The following NRXN1 variants were observed in gnomAD, a reference collection of about 807,000 sequenced individuals.
NRXN1 encodes neurexin-1.
In NRXN1, 39 loss-of-function variants were observed where a neutral mutation model predicts 150.9. The observed-to-expected ratio is 0.26, with a 90% CI of 0.20 to 0.34. The LOEUF is 0.34. Ranked by LOEUF, NRXN1 falls within the 10% of genes least tolerant of loss-of-function variation. The pLI is 1.00. For missense variants in NRXN1, 1,815 were observed against 1,949.9 expected (o/e 0.93, Z 1.30); for synonymous variants, 924 against 757.0 (o/e 1.22, Z -3.62).
chr2:50,358,330 G>C (rs1266466376), intron 17 of NRXN1, among the ~76,000 whole-genome samples: 2 of 152,206 alleles, frequency 1.3e-5, no homozygotes, highest in Non-Finnish European at 2.9e-5. Flanking sequence ...AGATCCACTG[G>C]CTTGAAATTC....
At chr2:50,058,555 T>A (rs952285782) in intron 19 of NRXN1, among the ~76,000 whole-genome samples, 8 of 152,130 alleles carry the variant, frequency 5.3e-5, no homozygotes, top group Non-Finnish European at 7.4e-5. Flanking sequence ...AACTAATGAC[T>A]TTGTTCTCCT....
chr2:50,885,495 A>T (rs2103752453), intron 5 of NRXN1, among the ~76,000 whole-genome samples: 1 of 151,472 alleles, frequency 6.6e-6, no homozygotes, highest in Admixed American at 6.6e-5. Flanking sequence ...CCTGAATAAG[A>T]AAATCTCATC....
intron 21 of NRXN1, among the ~76,000 whole-genome samples, chr2:49,976,017 ATTTTTT>A (rs10597958): frequency 1.1e-5 from 1 of 91,438 alleles, no homozygotes; most frequent in Non-Finnish European, 2.1e-5. Context: ...ATGCGGAAGA[ATTTTTT>A]TTTTTTTTTT....
At chr2:50,914,126 C>T (rs1226758799) in intron 5 of NRXN1, among the ~76,000 whole-genome samples, 1 of 151,664 alleles carries the variant, frequency 6.6e-6, no homozygotes, top group African/African-American at 2.4e-5. Context: ...CATTGTAGTT[C>T]TTCAGCACAG....
chr2:50,477,672 T>C (rs951374637), intron 15 of NRXN1, among the ~76,000 whole-genome samples: 1 of 152,224 alleles, frequency 6.6e-6, no homozygotes, highest in African/African-American at 2.4e-5. Flanking sequence ...ACTTTCATTT[T>C]AATTTTTTTA....
Position 50,251,008 on chromosome 2 carries a change from G to GTAATAAATTTATTACACATTGCATA in NRXN1, c.3365-14039_3365-14038insTATGCAATGTGTAATAAATTTATTA, listed in dbSNP as rs1559172216. Reference sequence around the variant, plus strand: ...AATAAATTTATTACACATTGCATATGTGTAATATTACATATTGTATATGTA... The same window carrying GTAATAAATTTATTACACATTGCATA: ...AATAAATTTATTACACATTGCATATGTAATAAATTTATTACACATTGCATATGTAATATTACATATTGTATATGTA... On this transcript the variant is annotated intron_variant, in intron 17 of 22. Transcript: ENST00000401669. Among the ~76,000 whole-genome samples, 113 of 93,186 alleles carry GTAATAAATTTATTACACATTGCATA rather than the reference G, an allele frequency of 1.2e-3. 10 individuals carry two copies. The highest frequency in any genetic ancestry group is 2.5e-3 in the East Asian group (10 of 3,924). 61.1% of individuals were successfully genotyped at this position (93,186 alleles called of 152,430 possible).
At chr2:50,743,959 A>G (rs1699731942) in intron 5 of NRXN1, among the ~76,000 whole-genome samples, 1 of 152,136 alleles carries the variant, frequency 6.6e-6, no homozygotes, top group African/African-American at 2.4e-5. Context: ...CTAGCCCAAG[A>G]TTGCCCTCAA....
intron 5 of NRXN1, among the ~76,000 whole-genome samples, chr2:50,791,386 T>C (rs1339042263): frequency 1.3e-5 from 2 of 151,372 alleles, no homozygotes; most frequent in East Asian, 2.0e-4. Context: ...ACAGGAGATA[T>C]GTGGTCTTCC....
At chr2:50,329,669 ATATATTTTT>A (rs2076695469) in intron 17 of NRXN1, among the ~76,000 whole-genome samples, 7 of 22,422 alleles carry the variant, frequency 3.1e-4, no homozygotes, top group African/African-American at 1.4e-3. Flanking sequence ...ATATATATAT[ATATATTTTT>A]TTTTTTCCCC....
intron 19 of NRXN1, among the ~76,000 whole-genome samples, chr2:50,062,869 C>T (rs909742725): frequency 1.3e-5 from 2 of 152,026 alleles, no homozygotes; most frequent in Admixed American, 6.6e-5. Context: ...AAAAACAATG[C>T]TATGAACCAA....
chr2:50,526,204 G>A (rs1284419923), intron 12 of NRXN1, among the ~76,000 whole-genome samples: 1 of 152,118 alleles, frequency 6.6e-6, no homozygotes, highest in Non-Finnish European at 1.5e-5. Flanking sequence ...CCATTCAAAC[G>A]TAATAACTTA....
At chr2:50,611,949 C>CA (rs1678222332) in intron 8 of NRXN1, among the ~76,000 whole-genome samples, 1 of 152,116 alleles carries the variant, frequency 6.6e-6, no homozygotes, top group East Asian at 1.9e-4. Flanking sequence ...TCCCAGCAAT[C>CA]TAGGCTGCAT....
At chr2:50,015,647 C>G (rs1033350353) in intron 21 of NRXN1, among the ~76,000 whole-genome samples, 1 of 151,334 alleles carries the variant, frequency 6.6e-6, no homozygotes, top group Non-Finnish European at 1.5e-5. Context: ...ATGTTCCATG[C>G]ATCAGTAATA....
At chr2:50,560,334 C>A (rs2111067) in intron 8 of NRXN1, among the ~76,000 whole-genome samples, 64,045 of 151,950 alleles carry the variant, frequency 0.42, 15,660 homozygotes, top group African/African-American at 0.68. Context: ...AGTACAGTAC[C>A]TACAACTGTG....
chr2:50,079,002 C>G (rs891411302), intron 19 of NRXN1, among the ~76,000 whole-genome samples: 7 of 152,058 alleles, frequency 4.6e-5, no homozygotes, highest in African/African-American at 1.7e-4. Context: ...CGATGAATTC[C>G]TATTTCCATC....
At chr2:50,709,714 T>C (rs1694898078) in intron 5 of NRXN1, among the ~76,000 whole-genome samples, 1 of 152,152 alleles carries the variant, frequency 6.6e-6, no homozygotes, top group Non-Finnish European at 1.5e-5. Flanking sequence ...TGGCAGACTT[T>C]TGGCCCACTG....
intron 8 of NRXN1, among the ~76,000 whole-genome samples, chr2:50,564,020 A>C (rs969396731): frequency 6.6e-6 from 1 of 152,218 alleles, no homozygotes; most frequent in African/African-American, 2.4e-5. Flanking sequence ...AAGTTGTATA[A>C]GTTTGTTCTG....
chr2:50,466,591 G>T (rs1199929956), intron 16 of NRXN1: 2 of 436,046 alleles, frequency 4.6e-6, no homozygotes, highest in Non-Finnish European at 9.1e-6. Flanking sequence ...AAGGCATGCT[G>T]CTGTAAAGAG....
At chr2:50,215,383 T>A (rs1435679185) in intron 18 of NRXN1, among the ~76,000 whole-genome samples, 1 of 152,080 alleles carries the variant, frequency 6.6e-6, no homozygotes, top group African/African-American at 2.4e-5. Flanking sequence ...GCTCAACAAA[T>A]GAATCCAATT....
Sources: gnomAD v4.1 joint callset for allele counts (sites outside exome capture counted in the v4.1 genomes callset) on GRCh38, gnomAD v4.1.1 for gene constraint, MANE v1.5 for transcripts, NCBI Gene and HGNC (gene_info 2026-07-23, HGNC 2026-07-21) for gene names.